The following TARS3 variants were observed in gnomAD, a reference collection of about 807,000 sequenced individuals.
TARS3 encodes threonyl-tRNA synthetase 3, also known as threonine--tRNA ligase 2, cytoplasmic.
A neutral mutation model predicts 103.5 loss-of-function variants in TARS3; 94 were observed. That is an observed-to-expected ratio of 0.91 (90% CI 0.77 to 1.08). The LOEUF (loss-of-function observed/expected upper bound fraction) is 1.08. Among genes scored for constraint, TARS3 ranks in the 50% least tolerant of loss-of-function variants. TARS3 has a pLI of 0.00. For synonymous variants in TARS3, 416 were observed against 355.4 expected (o/e 1.17, Z -1.92); for missense variants, 952 against 995.2 (o/e 0.96, Z 0.58).
At chr15:101,715,039 T>TA in intron 3 of TARS3, 76 bp from the exon 4 acceptor site, 1 of 1,403,150 alleles carries the variant, frequency 7.1e-7, no homozygotes, top group Admixed American at 2.4e-5. Flanking sequence ...AAAGAATTTC[T>TA]AGGGTTTTTT....
At chr15:101,679,005 G>T (rs1898146271) in intron 12 of TARS3, among the ~76,000 whole-genome samples, 1 of 152,070 alleles carries the variant, frequency 6.6e-6, no homozygotes, top group Non-Finnish European at 1.5e-5. Flanking sequence ...TTTTTAATGA[G>T]AAATTGCTAT....
rs199644338 is a variant in TARS3, at chr15:101,714,887, C to T, written c.643G>A (p.Asp215Asn). The T allele has an allele frequency of 2.2e-5, 35 of 1,613,400 alleles. No homozygotes were observed. The highest frequency in any genetic ancestry group is 2.7e-5 in the Non-Finnish European group (32 of 1,179,626). Reference sequence around the variant, plus strand: ...AATGTAAGCAGCTCTAGAGAAGAGTCCCCTTCCAATGGGCGGTCCAGGTCC... The same window carrying T: ...AATGTAAGCAGCTCTAGAGAAGAGTTCCCTTCCAATGGGCGGTCCAGGTCC... ...LWDLDRPLEGDSSLELLTFDN... is the reference protein window; with the variant it reads ...LWDLDRPLEGNSSLELLTFDN... The change falls in exon 4 of 19, where the codon GAC becomes AAC. Residue 215 changes from aspartate (D) to asparagine (N), a missense_variant. Around this residue, in one of 2 missense-constraint regions of TARS3, gnomAD observed 412 missense variants for 364.2 expected, o/e 1.13. Coordinates refer to ENST00000335968, the MANE Select transcript of TARS3 (RefSeq NM_152334.3).
intron 12 of TARS3, among the ~76,000 whole-genome samples, chr15:101,679,726 TA>T (rs1898180766): frequency 6.6e-6 from 1 of 152,218 alleles, no homozygotes; most frequent in African/African-American, 2.4e-5. Flanking sequence ...TTCGGTTTTA[TA>T]GTAAGCCTCT....
intron 5 of TARS3, among the ~76,000 whole-genome samples, chr15:101,710,552 T>C (rs939092361): frequency 7.2e-5 from 11 of 152,212 alleles, no homozygotes; most frequent in African/African-American, 2.2e-4. Context: ...AGACACCTCA[T>C]TGGTGTCCAG....
chr15:101,710,050 G>A (rs1191965469), intron 5 of TARS3, among the ~76,000 whole-genome samples: 1 of 152,212 alleles, frequency 6.6e-6, no homozygotes, highest in African/African-American at 2.4e-5. Flanking sequence ...TGCCTCCTTA[G>A]GGGAAAGGAG....
rs1357501058 is a variant in TARS3, at chr15:101,675,690, G to A, written c.1698C>T (p.Tyr566=). 6.2e-7 allele frequency: 1 copy of A among 1,614,024 alleles called. No individual in the cohort carries two copies. Residue 566 remains tyrosine, a synonymous_variant, in exon 13 of 19, where the codon TAC becomes TAT. Transcript: ENST00000335968. ...ATTGAAAGGAGAAGCCAAATGTTGA[G>A]TAAACAGATTGCAAAAACTGCAAAC... ...KGCLQFLQSV[Y]STFGFSFQLN... is the part of the protein sequence containing the mutation.
Position 101,721,292 on chromosome 15 carries a change from T to C in TARS3, c.400A>G (p.Arg134Gly). The C allele has an allele frequency of 1.2e-6, 2 of 1,612,280 alleles. No homozygotes were observed. Among genetic ancestry groups the C allele is most frequent in the Non-Finnish European group, 1.7e-6 (2 of 1,178,414 alleles). ...VKHQPIFIKERLKLFEILKKD... is the reference protein window; with the variant it reads ...VKHQPIFIKEGLKLFEILKKD... The stretch of plus-strand genomic sequence containing the variant: ...TTCAGTATTTCAAAAAGCTTCAATC[T>C]TTCTTTTATGAAAATTGGTTGATGC... The change falls in exon 3 of 19, where the codon AGA (arginine) becomes GGA (glycine). Residue 134 changes from arginine (R) to glycine (G), a missense_variant. By Grantham distance (125) the Arg-to-Gly change is moderately radical. This residue lies in a region of TARS3 where 412 missense variants were observed against 364.2 expected (regional missense o/e 1.13). Coordinates refer to ENST00000335968, the MANE Select transcript of TARS3 (RefSeq NM_152334.3).
At chr15:101,662,703 A>C (rs146436463) in intron 15 of TARS3, among the ~76,000 whole-genome samples, 35 of 152,336 alleles carry the variant, frequency 2.3e-4, no homozygotes, top group African/African-American at 8.4e-4. Context: ...ATTCATCCCA[A>C]AAATTGAAAC....
intron 7 of TARS3, among the ~76,000 whole-genome samples, chr15:101,704,954 C>T (rs951939694): frequency 4.6e-5 from 7 of 151,868 alleles, no homozygotes; most frequent in Non-Finnish European, 8.8e-5. Context: ...CCTTGACTGT[C>T]GAAAGTAAGT....
Position 101,654,547 on chromosome 15 carries a change from CA to C in TARS3, c.*34del. The C allele has an allele frequency of 6.3e-7, 1 of 1,596,636 alleles. No homozygotes were observed. The highest frequency in any genetic ancestry group is 8.5e-7 in the Non-Finnish European group (1 of 1,174,828). Reference sequence around the variant, plus strand: ...AAAAATACATTTTTAAGGGTCAAAACAAAGTTACACAGAAGCAAATATCAGG... The same window carrying C: ...AAAAATACATTTTTAAGGGTCAAAACAAGTTACACAGAAGCAAATATCAGG... On this transcript the variant is annotated 3_prime_UTR_variant, in exon 19 of 19. Transcript: ENST00000335968.
intron 15 of TARS3, among the ~76,000 whole-genome samples, chr15:101,662,530 A>G (rs1412439713): frequency 6.6e-6 from 1 of 152,204 alleles, no homozygotes; most frequent in Non-Finnish European, 1.5e-5. Flanking sequence ...CATTCATTAA[A>G]CCTACTTCAA....
At chr15:101,681,300 T>A (rs1218015276) in intron 12 of TARS3, among the ~76,000 whole-genome samples, 1 of 152,186 alleles carries the variant, frequency 6.6e-6, no homozygotes, top group African/African-American at 2.4e-5. Flanking sequence ...ATGTCAACTC[T>A]TACAGGGAAA....
chr15:101,671,626 T>C lies in TARS3; in HGVS notation c.1867-40A>G, dbSNP rs533647206. 11 of 1,610,198 alleles carry C rather than the reference T, an allele frequency of 6.8e-6. No homozygotes were observed. In the South Asian group the frequency reaches 9.9e-5, roughly 15 times the overall value. On this transcript the variant is annotated intron_variant, in intron 14 of 18. Coordinates refer to ENST00000335968, the MANE Select transcript of TARS3 (RefSeq NM_152334.3). ...ATGTTTGCTCAGAAAAGAGTATTTA[T>C]TTTTCTTTTACATTTTGCTGTTTTG...
intron 12 of TARS3, 36 bp downstream of exon 12, chr15:101,684,039 T>C: frequency 6.3e-7 from 1 of 1,590,268 alleles, no homozygotes; most frequent in Non-Finnish European, 8.6e-7. Flanking sequence ...ACACTCAATT[T>C]GTGACCACAC....
chr15:101,678,280 G>A (rs1040208293), intron 12 of TARS3, among the ~76,000 whole-genome samples: 6 of 151,850 alleles, frequency 4.0e-5, no homozygotes, highest in South Asian at 2.1e-4. Flanking sequence ...ACCCAGCCTG[G>A]GTCATATTTT....
intron 12 of TARS3, among the ~76,000 whole-genome samples, chr15:101,678,788 T>C (rs1371874877): frequency 6.6e-6 from 1 of 152,214 alleles, no homozygotes; most frequent in East Asian, 1.9e-4. Context: ...TAAAGTTCCC[T>C]GATTCCTCTT....
At chr15:101,657,130 T>C in intron 17 of TARS3, 94 bp from the exon 18 acceptor site, 1 of 767,532 alleles carries the variant, frequency 1.3e-6, no homozygotes, top group Non-Finnish European at 2.2e-6. Flanking sequence ...CACACCTTTG[T>C]ATAGTTCCCT....
rs777489084 is a variant in TARS3 at position 101,671,590 on chromosome 15, C to A, written c.1867-4G>T. 3.1e-6 allele frequency: 5 copies of A among 1,610,016 alleles called. 1 individual carries two copies. In the Middle Eastern group the frequency reaches 8.3e-4, roughly 267 times the overall value. ...CATCCTTGATTTTTATGTCAATCTA[C>A]AAATTAAATAATGTTTGCTCAGAAA... is the stretch of plus-strand genomic sequence containing the variant. On this transcript the variant is annotated splice_region_variant and splice_polypyrimidine_tract_variant and intron_variant, in intron 14 of 18. Coordinates refer to ENST00000335968, the MANE Select transcript of TARS3 (RefSeq NM_152334.3).
In TARS3 at chr15:101,708,890, A is replaced by T; in HGVS notation, c.833T>A (p.Leu278Ter). Residue 278 changes from leucine to a stop codon, truncating the protein, a stop_gained, in exon 6 of 19, where the codon TTG (leucine) becomes TAG (stop). Transcript: ENST00000335968. LOFTEE classifies it high-confidence loss of function. ...IEDRAVSSTE[L>*]SALENICKAI... ...TTTACATATATTCTCCAGGGCTGAC[A>T]ATTCTGTGCTGGACACTGCTCTAAA... 6.2e-7 allele frequency: 1 copy of T among 1,605,954 alleles called. No individual in the cohort carries two copies. The highest frequency in any genetic ancestry group is 1.3e-5 in the African/African-American group (1 of 74,406).
Sources: gnomAD v4.1 joint callset for allele counts (sites outside exome capture counted in the v4.1 genomes callset) on GRCh38, gnomAD v4.1.1 for gene constraint, gnomAD v4.1.1 regional missense constraint, MANE v1.5 for transcripts, NCBI Gene and HGNC (gene_info 2026-07-23, HGNC 2026-07-21) for gene names.